The following DAGLB variants were observed in gnomAD, a reference collection of about 807,000 sequenced individuals.
DAGLB encodes the protein diacylglycerol lipase beta, also known as diacylglycerol lipase-beta.
Under a neutral mutation model 72.1 loss-of-function variants are expected in DAGLB, and 66 were observed. The ratio of observed to expected loss-of-function variants is 0.92; its 90% CI spans 0.75 to 1.12. The LOEUF (loss-of-function observed/expected upper bound fraction) is 1.12, where lower values mean the gene tolerates loss of function less well. Ranked by LOEUF, DAGLB falls within the 50% of genes most tolerant of loss-of-function variation. DAGLB has a pLI of 0.00. For synonymous variants in DAGLB, 414 were observed against 359.5 expected (o/e 1.15, Z -1.71); for missense variants, 1,065 against 884.9 (o/e 1.20, Z -2.58).
chr7:6,426,983 C>T lies in DAGLB; in HGVS notation c.930-869G>A, dbSNP rs6971131. Among the ~76,000 whole-genome samples the T allele has an allele frequency of 2.6e-3, 399 of 152,204 alleles. 2 individuals carry two copies. The highest frequency in any genetic ancestry group is 0.01 in the Middle Eastern group (3 of 292). On this transcript the variant is annotated intron_variant, in intron 6 of 14. Transcript: ENST00000297056. ...CTCAGCCAGGTGTGGTGGCAGGCGCCTGTAATCCCAGCTACTCGGGACGCT... is the reference window on the plus strand; with the variant it reads ...CTCAGCCAGGTGTGGTGGCAGGCGCTTGTAATCCCAGCTACTCGGGACGCT...
intron 11 of DAGLB, among the ~76,000 whole-genome samples, chr7:6,415,936 C>A (rs562860630): frequency 2.0e-5 from 3 of 152,000 alleles, no homozygotes; most frequent in Admixed American, 6.6e-5. Flanking sequence ...ATATGCCCCC[C>A]GAGAGGGCGG....
intron 6 of DAGLB, among the ~76,000 whole-genome samples, chr7:6,428,707 G>C (rs376847197): frequency 4.2e-4 from 64 of 152,264 alleles, no homozygotes; most frequent in African/African-American, 1.4e-3. Context: ...GGATGGTCTT[G>C]AACTCCTGAC....
intron 2 of DAGLB, among the ~76,000 whole-genome samples, chr7:6,440,579 T>G (rs1257764799): frequency 6.6e-6 from 1 of 151,722 alleles, no homozygotes; most frequent in East Asian, 2.0e-4. Flanking sequence ...GGACTTGATT[T>G]ACGAAACAAA....
At chr7:6,430,033 A>T (rs959978601) in intron 6 of DAGLB, among the ~76,000 whole-genome samples, 1 of 150,474 alleles carries the variant, frequency 6.6e-6, no homozygotes, top group Non-Finnish European at 1.5e-5. Flanking sequence ...AACAGAGTGA[A>T]ACTCCATCTC....
chr7:6,417,130 G>A (rs576429356), intron 9 of DAGLB: 51 of 572,478 alleles, frequency 8.9e-5, no homozygotes, highest in Admixed American at 7.7e-4. Flanking sequence ...GTGTGGTGGC[G>A]CACGCTTGTA....
rs1244409871 is a variant in DAGLB at position 6,409,847 on chromosome 7, T to C, written c.2009A>G (p.Asp670Gly). Residue 670 changes from aspartate (D) to glycine (G), a missense_variant, in exon 15 of 15, where the codon GAC becomes GGC. By Grantham distance (94) the Asp-to-Gly change is moderately conservative. Transcript: ENST00000297056. ...SCPAQGVSSVDVA is the reference protein window; with the variant it reads ...SCPAQGVSSVGVA ...TTCCAGTGGCCCTGGTCAGGCCACG[T>C]CCACACTGGAGACCCCTTGTGCTGG... The C allele has an allele frequency of 1.2e-6, 2 of 1,613,886 alleles. No homozygotes were observed. The highest frequency in any genetic ancestry group is 1.7e-6 in the Non-Finnish European group (2 of 1,180,002).
At chr7:6,412,705 A>G (rs770890070) in intron 13 of DAGLB, 106 bp downstream of exon 13, 41 of 1,276,562 alleles carry the variant, frequency 3.2e-5, no homozygotes, top group African/African-American at 4.4e-5. Context: ...TTCCAGCAAC[A>G]GCATAGAGTG....
chr7:6,420,917 G>T (rs1217995129), intron 9 of DAGLB, among the ~76,000 whole-genome samples: 1 of 152,214 alleles, frequency 6.6e-6, no homozygotes, highest in Non-Finnish European at 1.5e-5. Flanking sequence ...GAGCGCCCGT[G>T]GGGTGGGCCT....
chr7:6,426,264 C>G (rs1323876090), intron 6 of DAGLB, 150 bp from the exon 7 acceptor site: 1 of 1,139,998 alleles, frequency 8.8e-7, no homozygotes, highest in African/African-American at 1.5e-5. Flanking sequence ...CTTTTTAAAA[C>G]TTAATTTGAT....
intron 9 of DAGLB, among the ~76,000 whole-genome samples, chr7:6,420,452 G>A (rs1228714914): frequency 2.8e-5 from 4 of 144,068 alleles, no homozygotes; most frequent in African/African-American, 1.1e-4. Context: ...AAAAAAAAAA[G>A]AAAAGAAACA....
At chr7:6,421,835 C>G (rs1269608748) in intron 8 of DAGLB, 31 bp from the exon 9 acceptor site, 4 of 1,608,826 alleles carry the variant, frequency 2.5e-6, no homozygotes, top group Non-Finnish European at 3.4e-6. Flanking sequence ...AAGCGGCCGT[C>G]AGCCTGTGAT....
At chr7:6,441,191 T>C (rs907865930) in intron 2 of DAGLB, among the ~76,000 whole-genome samples, 3 of 141,874 alleles carry the variant, frequency 2.1e-5, no homozygotes, top group Non-Finnish European at 4.6e-5. Flanking sequence ...CCCAGGTTCA[T>C]GCCATTCTCC....
At position 6,424,660 on chromosome 7, in the gene DAGLB, T is replaced by C. The variant is rs554517586; in HGVS notation, c.1140+92A>G. 2.0e-3 allele frequency: 2,402 copies of C among 1,215,242 alleles called. 10 individuals carry two copies. The highest frequency in any genetic ancestry group is 4.0e-3 in the South Asian group (329 of 82,280). The allele number at this position is 1,215,242 out of a possible 1,614,324, so 75.3% of individuals were successfully genotyped here. ...CCTCACCATTTTCCCCTGTGTCTCA[T>C]GCGGTTACTGACGGATTTCCCCAGC... On this transcript the variant is annotated intron_variant, in intron 8 of 14. Coordinates refer to ENST00000297056, the MANE Select transcript of DAGLB (RefSeq NM_139179.4).
In DAGLB at chr7:6,410,296, G is replaced by C; in HGVS notation, c.1654C>G (p.Gln552Glu). Reference protein sequence around the residue: ...NLPTELDGGDQEVLTQPLLGE... With the variant: ...NLPTELDGGDEEVLTQPLLGE... ...AGAAGAGGCTGTGTCAGGACTTCCTGGTCGCCCCCGTCCAGCTCCGTGGGC... is the reference window on the plus strand; with the variant it reads ...AGAAGAGGCTGTGTCAGGACTTCCTCGTCGCCCCCGTCCAGCTCCGTGGGC... The change falls in exon 14 of 15, where the codon CAG becomes GAG. Residue 552 changes from glutamine (Q) to glutamate (E), a missense_variant. Transcript: ENST00000297056. The C allele has an allele frequency of 6.2e-7, 1 of 1,613,986 alleles. No homozygotes were observed. Among genetic ancestry groups the C allele is most frequent in the South Asian group, 1.1e-5 (1 of 91,022 alleles).
chr7:6,416,943 G>A, intron 9 of DAGLB, 22 bp from the exon 10 acceptor site: 1 of 1,613,738 alleles, frequency 6.2e-7, no homozygotes, highest in East Asian at 2.2e-5. Context: ...GACAAAGAAG[G>A]TGGCCGTTAA....
At chr7:6,422,070 A>G (rs961931467) in intron 8 of DAGLB, 3 of 559,750 alleles carry the variant, frequency 5.4e-6, no homozygotes, top group Non-Finnish European at 1.0e-5. Flanking sequence ...CGCCTTCCCC[A>G]TCACACACAC....
At chr7:6,441,993 G>A (rs13238780) in intron 2 of DAGLB, among the ~76,000 whole-genome samples, 61,718 of 151,714 alleles carry the variant, frequency 0.41, 14,895 homozygotes, top group Middle Eastern at 0.61. Flanking sequence ...ATGTCAGCTT[G>A]CCCTGCGCTG....
chr7:6,413,223 A>G (rs149543113), intron 11 of DAGLB, among the ~76,000 whole-genome samples, 189 bp from the exon 12 acceptor site: 4 of 152,282 alleles, frequency 2.6e-5, no homozygotes, highest in African/African-American at 7.2e-5. Context: ...TAAAGCCACA[A>G]TATGTGTTCA....
At chr7:6,418,033 G>C (rs1783976089) in intron 9 of DAGLB, among the ~76,000 whole-genome samples, 1 of 151,948 alleles carries the variant, frequency 6.6e-6, no homozygotes, top group South Asian at 2.1e-4. Flanking sequence ...ATCACACCCA[G>C]CTAATTTTTG....
Sources: gnomAD v4.1 joint callset for allele counts (sites outside exome capture counted in the v4.1 genomes callset) on GRCh38, gnomAD v4.1.1 for gene constraint, MANE v1.5 for transcripts, NCBI Gene and HGNC (gene_info 2026-07-23, HGNC 2026-07-21) for gene names.